Variants in THBS4 observed in about 807,000 individuals in gnomAD.
THBS4 encodes thrombospondin 4.
THBS4 carries 90 observed loss-of-function variants against 115.7 expected under a neutral mutation model. The ratio of observed to expected loss-of-function variants is 0.78; its 90% CI spans 0.66 to 0.93. THBS4 has a LOEUF of 0.93. Among genes scored for constraint, THBS4 ranks in the 40% least tolerant of loss-of-function variants. The probability of loss-of-function intolerance (pLI) is 0.00; values close to 1 mark genes in which losing one functional copy is unlikely to be tolerated. For synonymous variants in THBS4, 460 were observed against 479.3 expected, an observed-to-expected ratio of 0.96 and a Z score of 0.53; for missense variants, 1,087 against 1,232.7, an observed-to-expected ratio of 0.88 and a Z score of 1.77.
At chr5:79,997,308 C>T (rs1831814319) in intron 1 of THBS4, among the ~76,000 whole-genome samples, 1 of 151,760 alleles carries the variant, frequency 6.6e-6, no homozygotes, top group South Asian at 2.1e-4. Flanking sequence ...TCAAACATGA[C>T]ATTGGTAGAT....
At chr5:80,024,756 A>G (rs1256083138) in intron 2 of THBS4, among the ~76,000 whole-genome samples, 1 of 152,204 alleles carries the variant, frequency 6.6e-6, no homozygotes, top group African/African-American at 2.4e-5. Context: ...TTCACATAAT[A>G]TGTGAAGAAG....
Position 80,056,008 on chromosome 5 carries a change from G to T in THBS4, c.516G>T (p.Leu172Phe), listed in dbSNP as rs1195630398. 4.3e-6 allele frequency: 7 copies of T among 1,610,814 alleles called. No homozygotes were observed. Among genetic ancestry groups the T allele is most frequent in the Non-Finnish European group, 5.9e-6 (7 of 1,178,204 alleles). The change falls in exon 3 of 22, where the codon TTG becomes TTT. Residue 172 changes from leucine to phenylalanine, a missense_variant. By Grantham distance (22) the Leu-to-Phe change is conservative. Coordinates refer to ENST00000350881, the MANE Select transcript of THBS4 (RefSeq NM_003248.6). ...CCCAGAAACCTGAGACCATTGAATT[G>T]AGGACTTTCCAGAGGAAGCCACAGG... ...GPSQKPETIELRTFQRKPQDF... is the reference protein window; with the variant it reads ...GPSQKPETIEFRTFQRKPQDF...
chr5:80,059,627 G>A, intron 6 of THBS4, 76 bp from the exon 7 acceptor site: 5 of 1,600,434 alleles, frequency 3.1e-6, no homozygotes, highest in Non-Finnish European at 4.3e-6. Flanking sequence ...AAGTTCAATA[G>A]GAAACCAAAT....
chr5:80,037,396 G>T (rs947355554), intron 1 of THBS4, among the ~76,000 whole-genome samples: 1 of 152,088 alleles, frequency 6.6e-6, no homozygotes, highest in Non-Finnish European at 1.5e-5. Flanking sequence ...TTCATTGTTG[G>T]TCTTAAATTA....
chr5:80,054,703 G>A (rs1018869896), intron 2 of THBS4, among the ~76,000 whole-genome samples: 6 of 152,072 alleles, frequency 3.9e-5, no homozygotes, highest in Middle Eastern at 3.4e-3. Context: ...GAACTCAAGC[G>A]ATTCTCCCAC....
At chr5:80,009,428 T>C (rs377379644) in intron 2 of THBS4, among the ~76,000 whole-genome samples, 30 of 152,364 alleles carry the variant, frequency 2.0e-4, no homozygotes, top group African/African-American at 6.3e-4. Flanking sequence ...TTTATTTTGC[T>C]GTCTAAACCA....
intron 1 of THBS4, chr5:80,036,054 C>T: frequency 1.0e-6 from 1 of 992,514 alleles, no homozygotes; most frequent in South Asian, 4.7e-5. Context: ...CTGCTCTTGA[C>T]ATCCCTGAGA....
intron 2 of THBS4, among the ~76,000 whole-genome samples, chr5:80,017,316 C>T (rs556574676): frequency 2.0e-4 from 31 of 152,172 alleles, no homozygotes; most frequent in African/African-American, 7.2e-4. Flanking sequence ...ATATGGATAA[C>T]ACAATACCAC....
At chr5:80,007,285 G>A (rs1186558067) in intron 2 of THBS4, among the ~76,000 whole-genome samples, 1 of 152,174 alleles carries the variant, frequency 6.6e-6, no homozygotes, top group African/African-American at 2.4e-5. Context: ...ATGGTTAAAA[G>A]AACTAAATTA....
At chr5:80,061,858 C>CATTT in intron 8 of THBS4, 26 bp downstream of exon 8, 1 of 1,586,696 alleles carries the variant, frequency 6.3e-7, no homozygotes, top group Non-Finnish European at 8.6e-7. Context: ...GGTTTCTATT[C>CATTT]ATTTCTCATC....
intron 12 of THBS4, 48 bp from the exon 13 acceptor site, chr5:80,070,973 G>A (rs1218044272): frequency 1.2e-6 from 2 of 1,603,958 alleles, no homozygotes; most frequent in Non-Finnish European, 1.7e-6. Flanking sequence ...AATGGAGGAA[G>A]TGGATTTAGT....
intron 2 of THBS4, among the ~76,000 whole-genome samples, chr5:80,023,100 C>A (rs976252494): frequency 6.6e-6 from 1 of 152,158 alleles, no homozygotes; most frequent in Non-Finnish European, 1.5e-5. Context: ...AAAAACAAAT[C>A]TCAGAATTAT....
intron 8 of THBS4, among the ~76,000 whole-genome samples, chr5:80,065,055 A>AGAATT (rs1833765599): frequency 6.6e-6 from 1 of 152,190 alleles, no homozygotes; most frequent in Non-Finnish European, 1.5e-5. Flanking sequence ...AGAATGTTCC[A>AGAATT]GAATTGAAAA....
intron 20 of THBS4, 21 bp from the exon 21 acceptor site, chr5:80,082,385 C>T (rs751395198): frequency 2.5e-6 from 4 of 1,612,410 alleles, no homozygotes; most frequent in East Asian, 2.2e-5. Flanking sequence ...ATGGAGGCCC[C>T]TCCGGCCGTG....
At chr5:80,067,691 C>T (rs1833880306) in intron 9 of THBS4, 1 of 296,234 alleles carries the variant, frequency 3.4e-6, no homozygotes, top group Non-Finnish European at 6.4e-6. Context: ...ATGCCCTCCA[C>T]GGTGGCGCGG....
Position 80,082,463 on chromosome 5 carries a change from C to T in THBS4, c.2742C>T (p.Thr914=), listed in dbSNP as rs767415933. Residue 914 remains threonine, a synonymous_variant, in exon 21 of 22, where the codon ACC becomes ACT. Coordinates refer to ENST00000350881, the MANE Select transcript of THBS4 (RefSeq NM_003248.6). ...LVADSGVTID[T]TMRGGRLGVF... ...CTGACTCTGGCGTCACCATAGACAC[C>T]ACAATGCGTGGAGGCCGACTTGGCG... The T allele has an allele frequency of 1.9e-6, 3 of 1,614,068 alleles. No individual in the cohort carries two copies. Among genetic ancestry groups the T allele is most frequent in the East Asian group, 4.5e-5 (2 of 44,880 alleles).
chr5:80,032,429 C>G (rs1832603337), upstream of THBS4, among the ~76,000 whole-genome samples: 1 of 152,116 alleles, frequency 6.6e-6, no homozygotes, highest in Non-Finnish European at 1.5e-5. Context: ...ACAGAACTAA[C>G]AGGATAGATA....
chr5:80,007,276 T>A (rs547371420), intron 2 of THBS4, among the ~76,000 whole-genome samples: 7 of 152,358 alleles, frequency 4.6e-5, no homozygotes, highest in African/African-American at 1.7e-4. Context: ...TACAATAGCA[T>A]GGTTAAAAGA....
chr5:80,072,450 A>G, intron 14 of THBS4, 54 bp downstream of exon 14: 1 of 1,508,688 alleles, frequency 6.6e-7, no homozygotes, highest in Non-Finnish European at 9.2e-7. Context: ...CTATGCAAAG[A>G]CTCATTTAAG....
Sources: allele counts gnomAD v4.1 joint callset (sites outside exome capture counted in the v4.1 genomes callset), GRCh38; gene constraint gnomAD v4.1.1; transcripts MANE v1.5; gene names NCBI Gene and HGNC (gene_info 2026-07-23, HGNC 2026-07-21).